PABPC4L: variants seen among roughly 807,000 people sequenced by gnomAD.
PABPC4L encodes the protein poly(A) binding protein cytoplasmic 4 like.
For synonymous variants in PABPC4L, 169 were observed against 164.1 expected, an observed-to-expected ratio of 1.03 and a Z score of -0.23; for missense variants, 452 against 451.4, an observed-to-expected ratio of 1.00 and a Z score of -0.01.
chr4:134,004,056 A>G, the PABPC4L span, among the ~76,000 whole-genome samples: 1 of 151,968 alleles, frequency 6.6e-6, no homozygotes, highest in African/African-American at 2.4e-5. Flanking sequence ...AAACATAAGG[A>G]GAAACCTACT....
At chr4:134,107,366 A>G in the PABPC4L span, among the ~76,000 whole-genome samples, 1 of 151,494 alleles carries the variant, frequency 6.6e-6, no homozygotes, top group Admixed American at 6.6e-5. Flanking sequence ...CATTTACCTT[A>G]TTAATTTGCT....
At chr4:133,998,562 A>G in the PABPC4L span, among the ~76,000 whole-genome samples, 1 of 152,034 alleles carries the variant, frequency 6.6e-6, no homozygotes, top group Non-Finnish European at 1.5e-5. Flanking sequence ...TTATAAACCC[A>G]TTACCCTAGA....
chr4:134,176,998 G>C, the PABPC4L span, among the ~76,000 whole-genome samples: 8 of 152,120 alleles, frequency 5.3e-5, no homozygotes, highest in Non-Finnish European at 8.8e-5. Context: ...CACCAATTGT[G>C]GTGACTTGGA....
chr4:134,146,264 T>A, the PABPC4L span, among the ~76,000 whole-genome samples: 1 of 151,912 alleles, frequency 6.6e-6, no homozygotes, highest in Non-Finnish European at 1.5e-5. Flanking sequence ...ATGTCTAATG[T>A]CCATATTACT....
chr4:133,955,680 T>C, the PABPC4L span, among the ~76,000 whole-genome samples: 1 of 152,192 alleles, frequency 6.6e-6, no homozygotes, highest in African/African-American at 2.4e-5. Flanking sequence ...GGCTTTTAAC[T>C]TGTAAAGTAC....
At chr4:133,982,114 C>A in the PABPC4L span, among the ~76,000 whole-genome samples, 2 of 151,832 alleles carry the variant, frequency 1.3e-5, no homozygotes, top group Non-Finnish European at 2.9e-5. Context: ...AAAATATAAA[C>A]GTCTATTCCT....
At chr4:133,953,419 C>T in the PABPC4L span, among the ~76,000 whole-genome samples, 14 of 152,176 alleles carry the variant, frequency 9.2e-5, no homozygotes, top group African/African-American at 2.4e-4. Context: ...TTTCTCATTC[C>T]GTCTATCAAT....
chr4:134,067,174 G>A, the PABPC4L span, among the ~76,000 whole-genome samples: 155 of 152,052 alleles, frequency 1.0e-3, 1 homozygote, highest in Middle Eastern at 3.4e-3. Flanking sequence ...AACTTTTGCC[G>A]GTTGGTAGGT....
the PABPC4L span, among the ~76,000 whole-genome samples, chr4:134,017,369 A>T: frequency 6.6e-6 from 1 of 152,248 alleles, no homozygotes; most frequent in Non-Finnish European, 1.5e-5. Context: ...GTCTCATTCC[A>T]GACACCAGAC....
At chr4:133,994,829 A>C in the PABPC4L span, among the ~76,000 whole-genome samples, 2 of 152,110 alleles carry the variant, frequency 1.3e-5, no homozygotes, top group African/African-American at 4.8e-5. Flanking sequence ...TTCATCATAA[A>C]TAATATCTCA....
chr4:134,180,936 A>G, the PABPC4L span, among the ~76,000 whole-genome samples: 3 of 151,900 alleles, frequency 2.0e-5, no homozygotes, highest in Admixed American at 2.0e-4. Flanking sequence ...TCCATAACCC[A>G]CTTCTACGAG....
chr4:134,123,107 T>C, the PABPC4L span, among the ~76,000 whole-genome samples: 1 of 152,018 alleles, frequency 6.6e-6, no homozygotes, highest in African/African-American at 2.4e-5. Flanking sequence ...TTTGTATCAA[T>C]ATAGACTTGT....
At chr4:134,018,176 C>A in the PABPC4L span, among the ~76,000 whole-genome samples, 1 of 152,010 alleles carries the variant, frequency 6.6e-6, no homozygotes, top group Non-Finnish European at 1.5e-5. Flanking sequence ...TACTGAGCAC[C>A]TTGTGACCCC....
At chr4:133,996,722 C>CT in the PABPC4L span, among the ~76,000 whole-genome samples, 4 of 152,130 alleles carry the variant, frequency 2.6e-5, no homozygotes, top group South Asian at 8.3e-4. Flanking sequence ...GGTATTTTGC[C>CT]TGACAGCCCA....
chr4:134,020,906 G>A, the PABPC4L span, among the ~76,000 whole-genome samples: 2 of 152,054 alleles, frequency 1.3e-5, no homozygotes, highest in Non-Finnish European at 1.5e-5. Context: ...CTGTCAGAGT[G>A]TTCAATATAT....
At chr4:134,039,297 C>G in the PABPC4L span, among the ~76,000 whole-genome samples, 1 of 152,070 alleles carries the variant, frequency 6.6e-6, no homozygotes. Flanking sequence ...AATGTATATT[C>G]TATTGATTCA....
the PABPC4L span, among the ~76,000 whole-genome samples, chr4:134,167,658 A>T: frequency 1.3e-5 from 2 of 151,642 alleles, no homozygotes; most frequent in Non-Finnish European, 2.9e-5. Flanking sequence ...CAAGAAATAG[A>T]CTTCAAGACA....
chr4:134,074,058 T>G, the PABPC4L span, among the ~76,000 whole-genome samples: 1 of 152,210 alleles, frequency 6.6e-6, no homozygotes, highest in South Asian at 2.1e-4. Flanking sequence ...TCCTCATTAC[T>G]TATGCAAATT....
the PABPC4L span, among the ~76,000 whole-genome samples, chr4:134,091,290 C>A: frequency 6.6e-6 from 1 of 151,466 alleles, no homozygotes; most frequent in Non-Finnish European, 1.5e-5. Flanking sequence ...TCTTTATATT[C>A]TAATGGGCAG....
Sources: allele counts gnomAD v4.1 joint callset (sites outside exome capture counted in the v4.1 genomes callset), GRCh38; gene constraint gnomAD v4.1.1; transcripts MANE v1.5; gene names NCBI Gene and HGNC (gene_info 2026-07-23, HGNC 2026-07-21).